The following DNAH8 variants were observed in gnomAD, a reference collection of about 807,000 sequenced individuals.
The protein encoded by DNAH8 is axonemal beta dynein heavy chain 8.
In DNAH8, 382 loss-of-function variants were observed where a neutral mutation model predicts 562.1. The observed-to-expected ratio is 0.68, with a 90% CI of 0.63 to 0.74. The LOEUF (loss-of-function observed/expected upper bound fraction) is 0.74, where lower values mean the gene tolerates loss of function less well. Among genes scored for constraint, DNAH8 ranks in the 30% least tolerant of loss-of-function variants. The pLI is 0.00. For synonymous variants in DNAH8, 1,881 were observed against 1,919.4 expected (o/e 0.98, Z 0.52); for missense variants, 5,203 against 5,620.4 (o/e 0.93, Z 2.37).
At chr6:38,781,462 A>G in intron 16 of DNAH8, 89 bp downstream of exon 16, 3 of 1,443,684 alleles carry the variant, frequency 2.1e-6, no homozygotes, top group East Asian at 4.9e-5. Flanking sequence ...TGTGCATTAA[A>G]GTAGCCAACA....
intron 4 of DNAH8, among the ~76,000 whole-genome samples, chr6:38,733,682 G>A (rs1043266515): frequency 3.9e-5 from 6 of 152,064 alleles, no homozygotes; most frequent in Admixed American, 1.3e-4. Context: ...AGGCTGAGCC[G>A]GGCAGATCAC....
intron 33 of DNAH8, 46 bp downstream of exon 33, chr6:38,838,088 C>A: frequency 8.3e-7 from 1 of 1,207,370 alleles, no homozygotes; most frequent in Non-Finnish European, 1.2e-6. Context: ...TAATTAAATA[C>A]TATCTATTAG....
At chr6:38,902,634 C>T (rs1780152618) in intron 62 of DNAH8, among the ~76,000 whole-genome samples, 1 of 152,204 alleles carries the variant, frequency 6.6e-6, no homozygotes, top group Admixed American at 6.5e-5. Context: ...TGAGTATAAA[C>T]ATCTTGCTTC....
At chr6:38,908,205 A>G (rs1196646168) in intron 64 of DNAH8, 85 bp downstream of exon 64, 1 of 708,192 alleles carries the variant, frequency 1.4e-6, no homozygotes, top group Non-Finnish European at 2.1e-6. Context: ...TTAGAAAATG[A>G]TCTTAGAAAT....
At chr6:38,753,749 A>G (rs1386368262) in intron 9 of DNAH8, among the ~76,000 whole-genome samples, 2 of 152,122 alleles carry the variant, frequency 1.3e-5, no homozygotes, top group African/African-American at 4.8e-5. Flanking sequence ...TGTTTTTTTC[A>G]TCCTAGTAAT....
chr6:38,964,603 A>T (rs1170590150), intron 82 of DNAH8, among the ~76,000 whole-genome samples: 1 of 151,810 alleles, frequency 6.6e-6, no homozygotes, highest in African/African-American at 2.4e-5. Flanking sequence ...GCTATTTATA[A>T]TACTGAAAAA....
At position 38,826,407 on chromosome 6, in the gene DNAH8, AT is replaced by A. The variant is rs34231573; in HGVS notation, c.4083+25del. The A allele has an allele frequency of 1.8e-3, 2,718 of 1,476,612 alleles. 38 individuals carry two copies. In the African/African-American group the frequency reaches 0.028, roughly 15 times the overall value. 91.5% of individuals were successfully genotyped at this position (1,476,612 alleles called of 1,614,324 possible). A position where few individuals can be genotyped will look rare whatever the true frequency, so the allele number is the denominator to read the frequency against. ...ACCAATTGAAGTAAGAAATGATTGC[AT>A]TTTTTTTTCTTGGAATGCTTTTTTG... On this transcript the variant is annotated intron_variant, in intron 29 of 92. Coordinates refer to ENST00000327475, the MANE Select transcript of DNAH8 (RefSeq NM_001206927.2).
At chr6:38,996,623 G>A (rs1404265203) in intron 88 of DNAH8, among the ~76,000 whole-genome samples, 1 of 152,222 alleles carries the variant, frequency 6.6e-6, no homozygotes, top group African/African-American at 2.4e-5. Flanking sequence ...GTCCAGGTGT[G>A]TGAGGATGCA....
intron 88 of DNAH8, among the ~76,000 whole-genome samples, chr6:38,993,419 TTC>T (rs1764921276): frequency 6.7e-6 from 1 of 148,760 alleles, no homozygotes; most frequent in African/African-American, 2.5e-5. Flanking sequence ...GTTTATTTGT[TTC>T]TGTTTGTATT....
At chr6:38,742,136 T>C (rs1169455385) in intron 8 of DNAH8, among the ~76,000 whole-genome samples, 1 of 152,204 alleles carries the variant, frequency 6.6e-6, no homozygotes, top group Non-Finnish European at 1.5e-5. Flanking sequence ...TCTTTTATTT[T>C]TAAATTGTTT....
chr6:38,961,104 G>A (rs1762578790), intron 82 of DNAH8, among the ~76,000 whole-genome samples: 1 of 151,988 alleles, frequency 6.6e-6, no homozygotes, highest in South Asian at 2.1e-4. Context: ...AATACCACAT[G>A]ATCTCACTCT....
At chr6:38,998,235 G>A (rs990084106) in intron 88 of DNAH8, among the ~76,000 whole-genome samples, 2 of 152,194 alleles carry the variant, frequency 1.3e-5, no homozygotes, top group African/African-American at 4.8e-5. Flanking sequence ...CTCTGAAGTG[G>A]AGGGGGAAAT....
At chr6:38,816,062 G>A (rs202212862) in intron 26 of DNAH8, among the ~76,000 whole-genome samples, 1 of 149,720 alleles carries the variant, frequency 6.7e-6, no homozygotes, top group Non-Finnish European at 1.5e-5. Context: ...ATTTTATTTT[G>A]TTTTATTTTA....
At chr6:39,025,110 C>A (rs2281340) in intron 91 of DNAH8, among the ~76,000 whole-genome samples, 122,363 of 152,050 alleles carry the variant, frequency 0.8, 49,921 homozygotes, top group Middle Eastern at 0.87. Context: ...CTTCGTTCTA[C>A]CCTTATCTGC....
Position 38,896,606 on chromosome 6 carries a change from C to CAAAA in DNAH8, c.8940+385_8940+388dup, listed in dbSNP as rs1351874305. On this transcript the variant is annotated intron_variant, in intron 60 of 92. Transcript: ENST00000327475. The stretch of plus-strand genomic sequence containing the variant: ...ACAAACAAACAAACAAACAAACAAA[C>CAAAA]AAAAAAACAAAAAAGAGAGAGAGAG... 2.0e-5 allele frequency among the ~76,000 whole-genome samples: 3 copies of CAAAA among 146,598 alleles called. No individual in the cohort carries two copies. In the East Asian group the frequency reaches 5.9e-4, roughly 29 times the overall value.
rs192133949 is a variant in DNAH8, at chr6:38,936,993, A to T, written c.11564-981A>T. Among the ~76,000 whole-genome samples, 3 of 152,246 alleles carry T rather than the reference A, an allele frequency of 2.0e-5. No individual in the cohort carries two copies. The East Asian group carries it at 5.8e-4, about 29-fold the overall frequency. On this transcript the variant is annotated intron_variant, in intron 77 of 92. Coordinates refer to ENST00000327475, the MANE Select transcript of DNAH8 (RefSeq NM_001206927.2). ...TTAAAAACCAAATTCATTGTCATAA[A>T]CATGCACTATTTCCATTAAAAACAA...
chr6:38,750,439 G>A, intron 8 of DNAH8, 37 bp from the exon 9 acceptor site: 1 of 1,407,814 alleles, frequency 7.1e-7, no homozygotes, highest in Non-Finnish European at 1.0e-6. Flanking sequence ...TGATATATTT[G>A]GATGTTTCAT....
intron 7 of DNAH8, among the ~76,000 whole-genome samples, chr6:38,738,580 A>T (rs1764285014): frequency 6.6e-6 from 1 of 152,234 alleles, no homozygotes; most frequent in Non-Finnish European, 1.5e-5. Context: ...GGATTCTAGG[A>T]ACCGCCCCCC....
At chr6:38,924,394 C>T (rs1781945767) in intron 73 of DNAH8, among the ~76,000 whole-genome samples, 1 of 151,894 alleles carries the variant, frequency 6.6e-6, no homozygotes, top group African/African-American at 2.4e-5. Context: ...TGCCTGTAAT[C>T]CTAGCTACTC....
Sources: gnomAD v4.1 joint callset for allele counts (sites outside exome capture counted in the v4.1 genomes callset) on GRCh38, gnomAD v4.1.1 for gene constraint, MANE v1.5 for transcripts, NCBI Gene and HGNC (gene_info 2026-07-23, HGNC 2026-07-21) for gene names.